Variants in ARMC3 observed in about 807,000 individuals in gnomAD.
ARMC3 encodes the protein armadillo repeat-containing protein 3.
Under a neutral mutation model 90.3 loss-of-function variants are expected in ARMC3, and 74 were observed. That is an observed-to-expected ratio of 0.82 (90% CI 0.68 to 0.99). ARMC3 has a LOEUF of 0.99. Ranked by LOEUF, ARMC3 falls within the 50% of genes least tolerant of loss-of-function variation. The pLI, the probability that ARMC3 is intolerant of heterozygous loss-of-function variation, is 0.00. For synonymous variants in ARMC3, 334 were observed against 361.8 expected (o/e 0.92, Z 0.87); for missense variants, 958 against 1,042.8 (o/e 0.92, Z 1.12).
intron 2 of ARMC3, among the ~76,000 whole-genome samples, chr10:22,934,955 G>C (rs1467894728): frequency 6.6e-6 from 1 of 152,148 alleles, no homozygotes; most frequent in Non-Finnish European, 1.5e-5. Context: ...CCTGGTGTGT[G>C]GCCATCATGA....
At chr10:22,972,452 G>A (rs145367028) in intron 8 of ARMC3, among the ~76,000 whole-genome samples, 6 of 152,216 alleles carry the variant, frequency 3.9e-5, no homozygotes, top group African/African-American at 1.4e-4. Flanking sequence ...GTAATAGAAA[G>A]GAATTCAAGC....
chr10:23,018,299 C>T (rs752128997), intron 16 of ARMC3, among the ~76,000 whole-genome samples: 12 of 152,124 alleles, frequency 7.9e-5, no homozygotes, highest in Non-Finnish European at 1.8e-4. Context: ...AGAACAGCCT[C>T]CCAGCCCACA....
intron 6 of ARMC3, chr10:22,961,037 C>T (rs1398869236): frequency 2.0e-5 from 3 of 152,188 alleles, no homozygotes; most frequent in African/African-American, 7.2e-5. Flanking sequence ...TCAGTAAGGT[C>T]ACATTATGAG....
chr10:22,955,983 T>C (rs1834922772), intron 4 of ARMC3, 51 bp downstream of exon 4: 1 of 1,460,300 alleles, frequency 6.8e-7, no homozygotes, highest in Non-Finnish European at 9.3e-7. Context: ...TAATGCATTA[T>C]CATTCTTTTA....
At chr10:22,945,442 A>T (rs1406347062) in intron 2 of ARMC3, among the ~76,000 whole-genome samples, 1 of 152,222 alleles carries the variant, frequency 6.6e-6, no homozygotes, top group Non-Finnish European at 1.5e-5. Context: ...TCAATTATGC[A>T]TTTCAATAAC....
chr10:23,026,902 C>G (rs1457454865), intron 16 of ARMC3, among the ~76,000 whole-genome samples: 1 of 152,104 alleles, frequency 6.6e-6, no homozygotes, highest in Non-Finnish European at 1.5e-5. Flanking sequence ...TGCTTTTGCA[C>G]CTTTGTCAAA....
chr10:23,024,483 C>T (rs1838636393), intron 16 of ARMC3, among the ~76,000 whole-genome samples: 2 of 152,086 alleles, frequency 1.3e-5, no homozygotes, highest in South Asian at 4.1e-4. Context: ...TTTTAAGTCA[C>T]ATTTGATGAT....
intron 14 of ARMC3, 68 bp downstream of exon 14, chr10:23,007,049 A>C: frequency 7.8e-7 from 1 of 1,286,438 alleles, no homozygotes; most frequent in Admixed American, 2.2e-5. Context: ...TTCTCCACCA[A>C]CGTGTGAATA....
At chr10:22,970,294 G>C (rs1221987782) in intron 8 of ARMC3, among the ~76,000 whole-genome samples, 1 of 152,192 alleles carries the variant, frequency 6.6e-6, no homozygotes. Flanking sequence ...GGAACAGGGT[G>C]TATAAAAGCC....
intron 16 of ARMC3, among the ~76,000 whole-genome samples, chr10:23,025,663 A>G (rs1037334117): frequency 6.6e-6 from 1 of 152,090 alleles, no homozygotes; most frequent in Non-Finnish European, 1.5e-5. Context: ...CAAATCAACA[A>G]TCTGAGCTTC....
At chr10:22,973,328 A>AATT (rs1469415909) in intron 8 of ARMC3, among the ~76,000 whole-genome samples, 1 of 140,658 alleles carries the variant, frequency 7.1e-6, no homozygotes, top group Non-Finnish European at 1.6e-5. Context: ...TAATAATAAT[A>AATT]ATAATAAATC....
intron 10 of ARMC3, among the ~76,000 whole-genome samples, chr10:22,989,785 G>C (rs1479565408): frequency 1.3e-5 from 2 of 152,156 alleles, no homozygotes; most frequent in African/African-American, 4.8e-5. Context: ...CTGCCCCTTA[G>C]AGCCTAGATT....
At chr10:23,002,607 T>G (rs536265258) in intron 12 of ARMC3, among the ~76,000 whole-genome samples, 1 of 149,908 alleles carries the variant, frequency 6.7e-6, no homozygotes, top group Admixed American at 6.6e-5. Context: ...CTTTTTTTCT[T>G]TCTTTTTTTT....
intron 10 of ARMC3, among the ~76,000 whole-genome samples, chr10:22,995,338 G>A (rs958522342): frequency 6.6e-6 from 1 of 151,988 alleles, no homozygotes; most frequent in Non-Finnish European, 1.5e-5. Context: ...TTTAAGGTAA[G>A]AATAATAGTT....
chr10:22,958,539 A>C (rs957748468), intron 4 of ARMC3, among the ~76,000 whole-genome samples: 1 of 152,142 alleles, frequency 6.6e-6, no homozygotes, highest in African/African-American at 2.4e-5. Context: ...AGTGTCTTAG[A>C]AGGAAGTACA....
chr10:22,971,938 A>G (rs945963596), intron 8 of ARMC3, among the ~76,000 whole-genome samples: 3 of 152,116 alleles, frequency 2.0e-5, no homozygotes, highest in African/African-American at 7.2e-5. Flanking sequence ...GCATGCCCTA[A>G]TGATTAGCAA....
intron 16 of ARMC3, among the ~76,000 whole-genome samples, chr10:23,016,809 A>G (rs1452169313): frequency 6.6e-6 from 1 of 152,214 alleles, no homozygotes; most frequent in Non-Finnish European, 1.5e-5. Context: ...TTCATGCCAA[A>G]TGACTCCTTG....
At chr10:22,965,656 C>T (rs982075019) in intron 7 of ARMC3, among the ~76,000 whole-genome samples, 2 of 152,138 alleles carry the variant, frequency 1.3e-5, no homozygotes, top group African/African-American at 4.8e-5. Context: ...AACCCAATTA[C>T]ATATATGTTA....
chr10:22,946,033 C>T (rs1164243122), intron 2 of ARMC3, 111 bp from the exon 3 acceptor site: 1 of 729,412 alleles, frequency 1.4e-6, no homozygotes, highest in Admixed American at 2.9e-5. Context: ...TGGGCAGTGA[C>T]CACATCCTTT....
Sources: gnomAD v4.1 joint callset for allele counts (sites outside exome capture counted in the v4.1 genomes callset) on GRCh38, gnomAD v4.1.1 for gene constraint, MANE v1.5 for transcripts, NCBI Gene and HGNC (gene_info 2026-07-23, HGNC 2026-07-21) for gene names.